ZNF385D: variants seen among roughly 807,000 people sequenced by gnomAD.
The protein encoded by ZNF385D is zinc finger protein 385D, also known as zinc finger protein 659.
A neutral mutation model predicts 35.8 loss-of-function variants in ZNF385D; 15 were observed. The observed-to-expected ratio is 0.42, with a 90% CI of 0.28 to 0.64. The LOEUF is 0.64. ZNF385D is among the 30% of genes least tolerant of loss of function. The pLI is 0.23. For synonymous variants in ZNF385D, 212 were observed against 186.8 expected (o/e 1.13, Z -1.10); for missense variants, 474 against 494.6 (o/e 0.96, Z 0.39).
intron 2 of ZNF385D, among the ~76,000 whole-genome samples, chr3:22,209,060 G>T (rs751762487): frequency 2.0e-4 from 30 of 151,830 alleles, no homozygotes; most frequent in Admixed American, 3.3e-4. Context: ...ACTGAAAATT[G>T]TATTACAGCA....
At chr3:21,874,858 T>C (rs1418217445) in intron 3 of ZNF385D, among the ~76,000 whole-genome samples, 2 of 152,134 alleles carry the variant, frequency 1.3e-5, no homozygotes, top group African/African-American at 4.8e-5. Flanking sequence ...TTTCAATTCA[T>C]GAACATGAGA....
intron 3 of ZNF385D, among the ~76,000 whole-genome samples, chr3:22,047,770 G>T (rs1699093680): frequency 6.6e-6 from 1 of 152,020 alleles, no homozygotes; most frequent in African/African-American, 2.4e-5. Flanking sequence ...CCCAGAAGTG[G>T]GATTGCCAAA....
intron 3 of ZNF385D, among the ~76,000 whole-genome samples, chr3:22,065,688 G>C (rs1489451030): frequency 6.6e-6 from 1 of 152,138 alleles, no homozygotes; most frequent in Non-Finnish European, 1.5e-5. Context: ...AAAAGTGTAT[G>C]TGTGTGCTGT....
chr3:21,691,654 A>T (rs1219356788), intron 1 of ZNF385D, among the ~76,000 whole-genome samples: 2 of 152,190 alleles, frequency 1.3e-5, no homozygotes, highest in African/African-American at 4.8e-5. Flanking sequence ...TCATTGCTAT[A>T]AAACTGCATT....
chr3:21,594,684 A>G (rs574078908), intron 2 of ZNF385D, among the ~76,000 whole-genome samples: 1 of 152,262 alleles, frequency 6.6e-6, no homozygotes, highest in South Asian at 2.1e-4. Flanking sequence ...ATATAAGCCA[A>G]TCCTAAATTT....
intron 2 of ZNF385D, among the ~76,000 whole-genome samples, chr3:22,339,863 C>T (rs949392726): frequency 6.6e-6 from 1 of 152,150 alleles, no homozygotes; most frequent in Non-Finnish European, 1.5e-5. Context: ...TTAAAAAACT[C>T]TTTCCTCTGA....
intron 3 of ZNF385D, among the ~76,000 whole-genome samples, chr3:21,900,707 A>C (rs147274364): frequency 1.3e-3 from 193 of 152,282 alleles, no homozygotes; most frequent in African/African-American, 4.3e-3. Context: ...GTCAATATAA[A>C]AGACATACAA....
chr3:21,947,190 C>T (rs371589421), intron 3 of ZNF385D, among the ~76,000 whole-genome samples: 2 of 152,140 alleles, frequency 1.3e-5, no homozygotes, highest in South Asian at 2.1e-4. Flanking sequence ...TTACTTACAA[C>T]TCCACACACA....
intron 1 of ZNF385D, among the ~76,000 whole-genome samples, chr3:21,669,416 G>A (rs140902112): frequency 5.3e-5 from 8 of 151,942 alleles, no homozygotes; most frequent in African/African-American, 9.6e-5. Context: ...ATGTTGTTTC[G>A]GTCAATTTAA....
chr3:21,886,655 G>A (rs1303777848), intron 3 of ZNF385D, among the ~76,000 whole-genome samples: 1 of 152,140 alleles, frequency 6.6e-6, no homozygotes, highest in Non-Finnish European at 1.5e-5. Context: ...GAGTGCATCT[G>A]TAGAAAGAAA....
At chr3:22,311,985 T>C (rs1559512966) in intron 2 of ZNF385D, among the ~76,000 whole-genome samples, 1 of 152,138 alleles carries the variant, frequency 6.6e-6, no homozygotes. Context: ...AAGACAACAC[T>C]TGGAGGCATT....
chr3:21,499,397 A>G (rs1164655987), intron 4 of ZNF385D, among the ~76,000 whole-genome samples: 1 of 152,162 alleles, frequency 6.6e-6, no homozygotes, highest in Non-Finnish European at 1.5e-5. Context: ...CAAATACTGA[A>G]TATTTTCACT....
intron 3 of ZNF385D, among the ~76,000 whole-genome samples, chr3:21,998,896 A>G (rs1695658696): frequency 6.6e-6 from 1 of 152,172 alleles, no homozygotes; most frequent in Admixed American, 6.5e-5. Flanking sequence ...GAGTTCTTGG[A>G]TTAACTAGGA....
rs1404894389 is a variant in ZNF385D, at chr3:22,194,215, T to C, written c.107-25180A>G. On this transcript the variant is annotated intron_variant, in intron 2 of 5. Coordinates refer to the ZNF385D transcript ENST00000494108. ...TAAATTTTTTATTAATTTTTAATTTTGCATAAGCCATTTTTGCCAAAATTA... is the reference window on the plus strand; with the variant it reads ...TAAATTTTTTATTAATTTTTAATTTCGCATAAGCCATTTTTGCCAAAATTA... Among the ~76,000 whole-genome samples, 4 of 152,044 alleles carry C rather than the reference T, an allele frequency of 2.6e-5. No individual in the cohort carries two copies. In the East Asian group the frequency reaches 7.7e-4, roughly 29 times the overall value.
At chr3:21,796,562 T>A (rs189339671) in intron 3 of ZNF385D, among the ~76,000 whole-genome samples, 8 of 151,302 alleles carry the variant, frequency 5.3e-5, no homozygotes, top group East Asian at 3.9e-4. Flanking sequence ...AATTTTTTTT[T>A]AAAAAGGAAT....
intron 2 of ZNF385D, among the ~76,000 whole-genome samples, chr3:22,266,338 A>G (rs1042331993): frequency 6.6e-6 from 1 of 151,964 alleles, no homozygotes; most frequent in Admixed American, 6.6e-5. Flanking sequence ...TTCTTAATGC[A>G]CATCTCTTGA....
chr3:22,218,688 T>C lies in ZNF385D; in HGVS notation c.107-49653A>G, dbSNP rs1012949969. Among the ~76,000 whole-genome samples the C allele has an allele frequency of 3.9e-5, 6 of 152,120 alleles. 1 individual carries two copies. In the East Asian group the frequency reaches 5.8e-4, roughly 15 times the overall value. ...TAAGGCTTCCACTCTTCACTCTTGA[T>C]AGACTCTGGACTTCAGTAACTGGGT... On this transcript the variant is annotated intron_variant, in intron 2 of 5. Coordinates refer to the ZNF385D transcript ENST00000494108.
intron 3 of ZNF385D, among the ~76,000 whole-genome samples, chr3:21,955,043 C>T (rs547008876): frequency 6.6e-6 from 1 of 152,056 alleles, no homozygotes; most frequent in Non-Finnish European, 1.5e-5. Context: ...TGTAAAAAGT[C>T]AAGGTTTTTT....
chr3:22,169,860 T>C (rs148700184), intron 2 of ZNF385D, among the ~76,000 whole-genome samples: 2 of 152,288 alleles, frequency 1.3e-5, no homozygotes, highest in African/African-American at 2.4e-5. Context: ...AGTGGCATGA[T>C]CTTGGCTCAG....
Sources: allele counts gnomAD v4.1 joint callset (sites outside exome capture counted in the v4.1 genomes callset), GRCh38; gene constraint gnomAD v4.1.1; transcripts MANE v1.5; gene names NCBI Gene and HGNC (gene_info 2026-07-23, HGNC 2026-07-21).